Variants in CHCHD3 observed in about 807,000 individuals in gnomAD.
The protein encoded by CHCHD3 is coiled-coil-helix-coiled-coil-helix domain containing 3, also known as MICOS complex subunit MIC19.
In CHCHD3, 20 loss-of-function variants were observed where a neutral mutation model predicts 38.2. That is an observed-to-expected ratio of 0.52 (90% confidence interval 0.37 to 0.76). The LOEUF is 0.76. CHCHD3 is among the 30% of genes least tolerant of loss of function. The probability of loss-of-function intolerance (pLI) is 0.00; values close to 1 mark genes in which losing one functional copy is unlikely to be tolerated. For missense variants in CHCHD3, 245 were observed against 279.2 expected, an observed-to-expected ratio of 0.88 and a Z score of 0.87; for synonymous variants, 82 against 100.0, an observed-to-expected ratio of 0.82 and a Z score of 1.07.
intron 3 of CHCHD3, among the ~76,000 whole-genome samples, chr7:133,012,849 G>A (rs1812918348): frequency 7.6e-6 from 1 of 131,762 alleles, no homozygotes; most frequent in Admixed American, 7.6e-5. Context: ...AGAGAGGGGA[G>A]GGGAAGGGAG....
At chr7:132,869,820 C>T (rs1180836421) in intron 5 of CHCHD3, among the ~76,000 whole-genome samples, 3 of 151,966 alleles carry the variant, frequency 2.0e-5, no homozygotes, top group Non-Finnish European at 2.9e-5. Flanking sequence ...CTGGGCTCAG[C>T]GAGCCTCCTG....
chr7:132,936,329 A>G (rs1810632257), intron 4 of CHCHD3, among the ~76,000 whole-genome samples: 1 of 152,208 alleles, frequency 6.6e-6, no homozygotes, highest in African/African-American at 2.4e-5. Context: ...GCTGCTACCA[A>G]AGTAAAAACT....
In CHCHD3 at chr7:133,035,753, G is replaced by A. The variant is rs1813655366; in HGVS notation, c.170-11126C>T. On this transcript the variant is annotated intron_variant, in intron 2 of 7. Coordinates refer to ENST00000262570, the MANE Select transcript of CHCHD3 (RefSeq NM_017812.4). This position sits in a 1 kb window ranked among gnomAD's most constrained non-coding sequence, Gnocchi z 4.7. Reference sequence around the variant, plus strand: ...CATCACCCTCAAATGCTGGGACCTTGCCGGCAGGAAATTTGCGAAGAAATT... The same window carrying A: ...CATCACCCTCAAATGCTGGGACCTTACCGGCAGGAAATTTGCGAAGAAATT... The A allele has an allele frequency of 1.2e-6, 2 of 1,613,216 alleles. No homozygotes were observed. Among genetic ancestry groups the A allele is most frequent in the Non-Finnish European group, 1.7e-6 (2 of 1,179,392 alleles).
At chr7:132,814,650 G>C (rs771135448) in intron 6 of CHCHD3, among the ~76,000 whole-genome samples, 6 of 152,314 alleles carry the variant, frequency 3.9e-5, no homozygotes, top group Non-Finnish European at 5.9e-5. Context: ...GTGAGAAACT[G>C]AAGCCTTACA....
intron 6 of CHCHD3, among the ~76,000 whole-genome samples, chr7:132,817,841 A>G (rs1807239070): frequency 6.6e-6 from 1 of 151,844 alleles, no homozygotes; most frequent in Admixed American, 6.6e-5. Context: ...GCAGTGAGCT[A>G]TGATCATGCC....
rs6947082 is a variant in CHCHD3, at chr7:132,987,510, C to A, written c.252-12224G>T. On this transcript the variant is annotated intron_variant, in intron 3 of 7. Transcript: ENST00000262570. ...CAGAACTAACAGACACCACACCAGA[C>A]GAATTAACAGAAGATGGACGACATT... 9.9e-5 allele frequency among the ~76,000 whole-genome samples: 15 copies of A among 152,206 alleles called. 1 individual carries two copies. The South Asian group carries it at 3.1e-3, about 32-fold the overall frequency.
chr7:133,033,972 A>T (rs1813576480), intron 2 of CHCHD3, among the ~76,000 whole-genome samples: 1 of 152,170 alleles, frequency 6.6e-6, no homozygotes, highest in Non-Finnish European at 1.5e-5. Flanking sequence ...ACAAGAATGT[A>T]CAGATGCCAG....
In CHCHD3 at chr7:133,046,273, C is replaced by G. The variant is rs555732180; in HGVS notation, c.170-21646G>C. On this transcript the variant is annotated intron_variant, in intron 2 of 7. Transcript: ENST00000262570. The stretch of plus-strand genomic sequence containing the variant: ...GAAAAAAAATGCATCTTTATTCTCA[C>G]TAACTTCTAAATAAAGTATGCATTT... 7.2e-5 allele frequency among the ~76,000 whole-genome samples: 11 copies of G among 152,278 alleles called. No homozygotes were observed. In the East Asian group the frequency reaches 2.1e-3, roughly 29 times the overall value.
intron 4 of CHCHD3, among the ~76,000 whole-genome samples, chr7:132,968,732 T>C (rs1811538612): frequency 6.6e-6 from 1 of 152,194 alleles, no homozygotes; most frequent in African/African-American, 2.4e-5. Flanking sequence ...ATTTCAGTGA[T>C]ACTAAAAACC....
intron 1 of CHCHD3, among the ~76,000 whole-genome samples, chr7:133,071,956 G>A (rs1342755011): frequency 6.6e-6 from 1 of 152,130 alleles, no homozygotes; most frequent in Non-Finnish European, 1.5e-5. Flanking sequence ...GGGATTAACT[G>A]TAAACAGGCA....
intron 4 of CHCHD3, among the ~76,000 whole-genome samples, chr7:132,888,234 A>G (rs1427736614): frequency 6.6e-6 from 1 of 151,926 alleles, no homozygotes; most frequent in Non-Finnish European, 1.5e-5. Flanking sequence ...AGACTGGTAG[A>G]CTTATGGGCG....
chr7:132,983,348 A>G (rs1393293180), intron 3 of CHCHD3, among the ~76,000 whole-genome samples: 1 of 152,192 alleles, frequency 6.6e-6, no homozygotes, highest in Non-Finnish European at 1.5e-5. Flanking sequence ...ATGTATCAAA[A>G]TGTATGCACA....
At chr7:132,981,925 G>C (rs1400992368) in intron 3 of CHCHD3, among the ~76,000 whole-genome samples, 1 of 152,228 alleles carries the variant, frequency 6.6e-6, no homozygotes, top group South Asian at 2.1e-4. Context: ...ATGCAGAAAG[G>C]CTATTTCAAA....
chr7:132,960,158 T>C (rs1811281444), intron 4 of CHCHD3, among the ~76,000 whole-genome samples: 1 of 152,096 alleles, frequency 6.6e-6, no homozygotes, highest in African/African-American at 2.4e-5. Flanking sequence ...ACCATGTCAT[T>C]TACAAGGACA....
chr7:132,814,158 C>T (rs1807142192), intron 6 of CHCHD3, among the ~76,000 whole-genome samples: 1 of 152,204 alleles, frequency 6.6e-6, no homozygotes, highest in Non-Finnish European at 1.5e-5. Context: ...AGTTCTATTA[C>T]TGTTAAACCA....
chr7:133,065,179 G>T (rs570386891), intron 2 of CHCHD3, among the ~76,000 whole-genome samples: 1 of 152,220 alleles, frequency 6.6e-6, no homozygotes, highest in Non-Finnish European at 1.5e-5. Context: ...CAAGGACACA[G>T]TTAAGTTATT....
At chr7:132,895,051 T>C (rs1360390020) in intron 4 of CHCHD3, among the ~76,000 whole-genome samples, 1 of 152,210 alleles carries the variant, frequency 6.6e-6, no homozygotes, top group Non-Finnish European at 1.5e-5. Flanking sequence ...AATGGTCCAT[T>C]AACCAGCATG....
intron 4 of CHCHD3, among the ~76,000 whole-genome samples, chr7:132,902,112 A>G (rs979122570): frequency 2.6e-5 from 4 of 152,174 alleles, no homozygotes; most frequent in Non-Finnish European, 5.9e-5. Flanking sequence ...CTTGTCAAAA[A>G]CCACAATGAG....
chr7:132,889,759 C>T (rs1400587040), intron 4 of CHCHD3, among the ~76,000 whole-genome samples: 2 of 152,112 alleles, frequency 1.3e-5, no homozygotes, highest in East Asian at 1.9e-4. Flanking sequence ...AAAAGTCACA[C>T]GATATGAATC....
Sources: gnomAD v4.1 joint callset for allele counts (sites outside exome capture counted in the v4.1 genomes callset) on GRCh38, gnomAD v4.1.1 for gene constraint, Gnocchi (gnomAD v3.1) non-coding constraint, MANE v1.5 for transcripts, NCBI Gene and HGNC (gene_info 2026-07-23, HGNC 2026-07-21) for gene names.